TEX46: variants seen among roughly 807,000 people sequenced by gnomAD.
TEX46 encodes the protein testis expressed 46, also known as testis-expressed protein 46.
In TEX46, 6 loss-of-function variants were observed where a neutral mutation model predicts 5.3. That is an observed-to-expected ratio of 1.13 (90% CI 0.62 to 2.23). The LOEUF (loss-of-function observed/expected upper bound fraction) is 2.23, where lower values mean the gene tolerates loss of function less well. Among genes scored for constraint, TEX46 ranks in the 30% most tolerant of loss-of-function variants. The pLI is 0.00. For synonymous variants in TEX46, 41 were observed against 54.6 expected, an observed-to-expected ratio of 0.75 and a Z score of 1.10; for missense variants, 131 against 150.9, an observed-to-expected ratio of 0.87 and a Z score of 0.69.
At chr1:23,014,139 C>T (rs1409871114) in intron 1 of TEX46, 94 bp from the exon 2 acceptor site, 4 of 1,452,122 alleles carry the variant, frequency 2.8e-6, no homozygotes, top group Non-Finnish European at 3.6e-6. Context: ...AGAGTCACGG[C>T]CACCCACTCC....
chr1:23,014,165 G>GGGGGGGGGGGCGGC, intron 1 of TEX46, 120 bp from the exon 2 acceptor site: 1 of 1,409,052 alleles, frequency 7.1e-7, no homozygotes, highest in Non-Finnish European at 9.2e-7. Context: ...GTCATAGCCA[G>GGGGGGGGGGGCGGC]CTCCCTCCCC....
chr1:23,015,642 C>T (rs1321265532), intron 1 of TEX46, 130 bp downstream of exon 1: 12 of 603,712 alleles, frequency 2.0e-5, no homozygotes, highest in Non-Finnish European at 2.9e-5. Context: ...GTTATATACA[C>T]GCAATATTAC....
At position 23,014,020 on chromosome 1, in the gene TEX46, C is replaced by T. The variant is rs1298125340; in HGVS notation, c.28G>A (p.Ala10Thr). Residue 10 changes from alanine to threonine, a missense_variant, in exon 2 of 3, where the codon GCA becomes ACA. By Grantham distance (58) the Ala-to-Thr change is moderately conservative (BLOSUM62 0). Coordinates refer to ENST00000566855, the MANE Select transcript of TEX46 (RefSeq NM_001242521.2). The stretch of plus-strand genomic sequence containing the variant: ...GCTGCCACTGCTCCTATGGTGCCTG[C>T]GGAGGCAAGTATCCCATGGAGACTC... MSLHGILAS[A>T]GTIGAVAAWL... is the part of the protein sequence containing the mutation. 9 of 1,535,962 alleles carry T rather than the reference C, an allele frequency of 5.9e-6. No individual in the cohort carries two copies. Among genetic ancestry groups the T allele is most frequent in the East Asian group, 2.4e-5 (1 of 40,910 alleles).
Position 23,013,871 on chromosome 1 carries a change from T to G in TEX46, c.165+12A>C. On this transcript the variant is annotated intron_variant, in intron 2 of 2. Transcript: ENST00000566855. Reference sequence around the variant, plus strand: ...ATCCCTGAGCTGAAGCCAAGCCCCATCTTGTGCTCACCTGCTGGGGCTCTG... The same window carrying G: ...ATCCCTGAGCTGAAGCCAAGCCCCAGCTTGTGCTCACCTGCTGGGGCTCTG... 1 of 1,535,318 alleles carries G rather than the reference T, an allele frequency of 6.5e-7. No individual in the cohort carries two copies. The highest frequency in any genetic ancestry group is 8.7e-7 in the Non-Finnish European group (1 of 1,146,430).
At chr1:23,012,394 T>C (rs1041941951) in intron 2 of TEX46, among the ~76,000 whole-genome samples, 5 of 150,420 alleles carry the variant, frequency 3.3e-5, no homozygotes, top group Non-Finnish European at 5.9e-5. Flanking sequence ...AAATTCAACA[T>C]ATCAGGCATG....
intron 2 of TEX46, among the ~76,000 whole-genome samples, chr1:23,013,579 T>G (rs1157765133): frequency 6.6e-6 from 1 of 152,214 alleles, no homozygotes; most frequent in South Asian, 2.1e-4. Context: ...ATGTTAATTT[T>G]TTTTATTTTT....
At chr1:23,011,349 T>C in intron 2 of TEX46, 1 of 435,318 alleles carries the variant, frequency 2.3e-6, no homozygotes, top group Non-Finnish European at 4.1e-6. Context: ...CATCATTGCC[T>C]CATTTTGTGG....
intron 1 of TEX46, 190 bp from the exon 2 acceptor site, chr1:23,014,235 G>T: frequency 1.9e-6 from 2 of 1,072,434 alleles, no homozygotes; most frequent in Non-Finnish European, 2.5e-6. Context: ...CACCCACTAT[G>T]TGCCAGACTC....
chr1:23,014,164 A>AGGGGGGGGGC, intron 1 of TEX46, 119 bp from the exon 2 acceptor site: 1 of 1,307,284 alleles, frequency 7.6e-7, no homozygotes, highest in Non-Finnish European at 1.0e-6. Flanking sequence ...AGTCATAGCC[A>AGGGGGGGGGC]GCTCCCTCCC....
At chr1:23,012,329 C>G (rs1641362527) in intron 2 of TEX46, among the ~76,000 whole-genome samples, 1 of 148,574 alleles carries the variant, frequency 6.7e-6, no homozygotes, top group Non-Finnish European at 1.5e-5. Context: ...GGCCACAGAG[C>G]GAGACCCTGT....
intron 2 of TEX46, 108 bp downstream of exon 2, chr1:23,013,775 C>A: frequency 9.7e-7 from 1 of 1,026,422 alleles, no homozygotes; most frequent in Non-Finnish European, 1.4e-6. Flanking sequence ...TCTTGGATTC[C>A]CCAGTCTTGC....
intron 1 of TEX46, among the ~76,000 whole-genome samples, chr1:23,015,105 A>C (rs2124292873): frequency 6.6e-6 from 1 of 151,860 alleles, no homozygotes; most frequent in Non-Finnish European, 1.5e-5. Context: ...GGCCTCCCAA[A>C]GTGCTGGGAT....
intron 2 of TEX46, among the ~76,000 whole-genome samples, chr1:23,012,537 C>T (rs1476251124): frequency 1.3e-5 from 2 of 152,172 alleles, no homozygotes; most frequent in Non-Finnish European, 2.9e-5. Context: ...AATATCATCA[C>T]CTTAACTGTA....
At chr1:23,013,627 T>C (rs1352867817) in intron 2 of TEX46, among the ~76,000 whole-genome samples, 1 of 152,192 alleles carries the variant, frequency 6.6e-6, no homozygotes, top group Admixed American at 6.6e-5. Flanking sequence ...CCAAAGCATG[T>C]TGACATCAAA....
rs779347696 is a variant in TEX46, at chr1:23,011,121, T to G, written c.166-20A>C. On this transcript the variant is annotated intron_variant, in intron 2 of 2. Transcript: ENST00000566855. ...CTCGTCCTGGAGGGCAAAGCAGGCATGCGTTCTATTGACTTCTTTTGTGTT... is the reference window on the plus strand; with the variant it reads ...CTCGTCCTGGAGGGCAAAGCAGGCAGGCGTTCTATTGACTTCTTTTGTGTT... 3.9e-5 allele frequency: 60 copies of G among 1,529,026 alleles called. No homozygotes were observed. The highest frequency in any genetic ancestry group is 4.8e-5 in the Non-Finnish European group (55 of 1,140,656). 94.7% of individuals were successfully genotyped at this position (1,529,026 alleles called of 1,614,324 possible).
At position 23,014,196 on chromosome 1, in the gene TEX46, A is replaced by C; in HGVS notation, c.3-151T>G. 2.4e-6 allele frequency: 3 copies of C among 1,274,210 alleles called. No individual in the cohort carries two copies. The South Asian group carries it at 5.0e-5, about 21-fold the overall frequency. 78.9% of individuals were successfully genotyped at this position (1,274,210 alleles called of 1,614,324 possible). On this transcript the variant is annotated intron_variant, in intron 1 of 2. Coordinates refer to ENST00000566855, the MANE Select transcript of TEX46 (RefSeq NM_001242521.2). Reference sequence around the variant, plus strand: ...TCCCCCCACCCAGCTGCCGCATAACAATAATAATAACTCCTCCTTTGTCTG... The same window carrying C: ...TCCCCCCACCCAGCTGCCGCATAACCATAATAATAACTCCTCCTTTGTCTG...
chr1:23,011,842 C>A (rs2124288756), intron 2 of TEX46, among the ~76,000 whole-genome samples: 1 of 152,250 alleles, frequency 6.6e-6, no homozygotes, highest in African/African-American at 2.4e-5. Context: ...GGACATAAAG[C>A]CCTTAGCCTA....
rs1024820532 is a variant in TEX46 at position 23,011,202 on chromosome 1, T to A, written c.166-101A>T. ...AGAAGTCTTTGGTTTCTCTTCCTCCTTTTAAGCTCCCCAGCACCAGGAAAA... is the reference window on the plus strand; with the variant it reads ...AGAAGTCTTTGGTTTCTCTTCCTCCATTTAAGCTCCCCAGCACCAGGAAAA... On this transcript the variant is annotated intron_variant, in intron 2 of 2. Coordinates refer to ENST00000566855, the MANE Select transcript of TEX46 (RefSeq NM_001242521.2). The A allele has an allele frequency of 4.8e-5, 40 of 836,386 alleles. No homozygotes were observed. In the African/African-American group the frequency reaches 6.9e-4, roughly 14 times the overall value. The allele number at this position is 836,386 out of a possible 1,614,324, so 51.8% of individuals were successfully genotyped here. A position where few individuals can be genotyped will look rare whatever the true frequency, so the allele number is the denominator to read the frequency against.
At chr1:23,015,400 C>G (rs1641405085) in intron 1 of TEX46, among the ~76,000 whole-genome samples, 1 of 133,330 alleles carries the variant, frequency 7.5e-6, no homozygotes, top group Non-Finnish European at 1.5e-5. Flanking sequence ...CGCGCCACTG[C>G]ACTCCAGCCT....
Sources: allele counts gnomAD v4.1 joint callset (sites outside exome capture counted in the v4.1 genomes callset), GRCh38; gene constraint gnomAD v4.1.1; transcripts MANE v1.5; gene names NCBI Gene and HGNC (gene_info 2026-07-23, HGNC 2026-07-21).